The following ACTR3B variants were observed in gnomAD, a reference collection of about 807,000 sequenced individuals.
The protein encoded by ACTR3B is actin-related protein 3B.
ACTR3B carries 8 observed loss-of-function variants against 59.0 expected under a neutral mutation model. The observed-to-expected ratio is 0.14, with a 90% CI of 0.08 to 0.24. ACTR3B has a LOEUF of 0.24. Among genes scored for constraint, ACTR3B ranks in the 10% least tolerant of loss-of-function variants. ACTR3B has a pLI of 1.00. For missense variants in ACTR3B, 245 were observed against 552.3 expected, an observed-to-expected ratio of 0.44 and a Z score of 5.58; for synonymous variants, 148 against 197.9, an observed-to-expected ratio of 0.75 and a Z score of 2.12.
chr7:152,762,408 A>T (rs1467634552), intron 1 of ACTR3B, among the ~76,000 whole-genome samples: 1 of 152,194 alleles, frequency 6.6e-6, no homozygotes, highest in Non-Finnish European at 1.5e-5. Context: ...AGAACAAAAA[A>T]CTACTGTATA....
chr7:152,850,682 C>G (rs1347998732), intron 9 of ACTR3B, among the ~76,000 whole-genome samples: 2 of 152,212 alleles, frequency 1.3e-5, no homozygotes, highest in African/African-American at 4.8e-5. Flanking sequence ...GGCTGTCTTT[C>G]CCCAGAACAG....
chr7:152,791,324 G>A (rs2098195491), intron 2 of ACTR3B, among the ~76,000 whole-genome samples: 2 of 152,040 alleles, frequency 1.3e-5, no homozygotes, highest in Non-Finnish European at 2.9e-5. Context: ...TTATTACTAA[G>A]TTTAATCTTT....
At chr7:152,792,107 GTCTCAAACT>G (rs1408936738) in intron 2 of ACTR3B, among the ~76,000 whole-genome samples, 1 of 152,154 alleles carries the variant, frequency 6.6e-6, no homozygotes, top group East Asian at 1.9e-4. Flanking sequence ...GGCCAGGCTG[GTCTCAAACT>G]CCTCAAGTGA....
In ACTR3B at chr7:152,854,844, G is replaced by T. The variant is rs1344839460; in HGVS notation, c.*291G>T. 9.8e-6 allele frequency: 3 copies of T among 307,128 alleles called. No homozygotes were observed. Among genetic ancestry groups the T allele is most frequent in the African/African-American group, 2.1e-5 (1 of 46,736 alleles). The allele number at this position is 307,128 out of a possible 1,614,324, so 19.0% of individuals were successfully genotyped here. On this transcript the variant is annotated 3_prime_UTR_variant, in exon 12 of 12. Transcript: ENST00000256001. This position sits in a 1 kb window ranked among gnomAD's most constrained non-coding sequence, Gnocchi z 4.9. ...AATACAATTCTGAAGGAATCCAAAT[G>T]TGACTTTGAAAATTGTTAGAGAAAA...
intron 9 of ACTR3B, among the ~76,000 whole-genome samples, chr7:152,842,563 G>A (rs1797950184): frequency 1.9e-5 from 2 of 105,488 alleles, no homozygotes; most frequent in African/African-American, 2.6e-5. Context: ...GGAGTGCTCC[G>A]CGTGTTCTCT....
intron 9 of ACTR3B, among the ~76,000 whole-genome samples, chr7:152,836,281 G>T (rs535197970): frequency 7.0e-4 from 106 of 152,242 alleles, no homozygotes; most frequent in Non-Finnish European, 1.0e-3. Context: ...AACAAACCTT[G>T]AGTTCAGAAT....
intron 9 of ACTR3B, among the ~76,000 whole-genome samples, chr7:152,842,397 C>G (rs1317261897): frequency 6.6e-6 from 1 of 152,152 alleles, no homozygotes; most frequent in African/African-American, 2.4e-5. Flanking sequence ...TGGGACAGCT[C>G]GAGATTTCAT....
chr7:152,794,875 T>C (rs552306939), intron 2 of ACTR3B, among the ~76,000 whole-genome samples: 2 of 152,342 alleles, frequency 1.3e-5, no homozygotes, highest in South Asian at 2.1e-4. Flanking sequence ...TGTCCTTTAC[T>C]TGTTTATAAT....
chr7:152,790,302 G>A (rs2116669606), intron 2 of ACTR3B, among the ~76,000 whole-genome samples: 1 of 152,298 alleles, frequency 6.6e-6, no homozygotes. Context: ...CTTAATAGGA[G>A]GAGTTACTTT....
In ACTR3B at chr7:152,796,186, G is replaced by C. The variant is rs1590281637; in HGVS notation, c.101-4345G>C. On this transcript the variant is annotated intron_variant, in intron 2 of 11. Transcript: ENST00000256001. ...AGGATTTGATATAATTTATTTACCT[G>C]ATCTCTGATTTCAGGTCAGTTAACT... Among the ~76,000 whole-genome samples, 3 of 152,150 alleles carry C rather than the reference G, an allele frequency of 2.0e-5. No homozygotes were observed. In the East Asian group the frequency reaches 5.8e-4, roughly 29 times the overall value.
At position 152,854,034 on chromosome 7, in the gene ACTR3B, A is replaced by G. The variant is rs991258021; in HGVS notation, c.1162-424A>G. Among the ~76,000 whole-genome samples, 1 of 152,106 alleles carries G rather than the reference A, an allele frequency of 6.6e-6. No homozygotes were observed. The highest frequency in any genetic ancestry group is 1.5e-5 in the Non-Finnish European group (1 of 68,018). On this transcript the variant is annotated intron_variant, in intron 11 of 11. Transcript: ENST00000256001. This position sits in a 1 kb window ranked among gnomAD's most constrained non-coding sequence, Gnocchi z 4.9. ...TGAGCCTCTGTGCCCGGCCCGATAT[A>G]AACTATATCTTAATAATCACACAAC... is the stretch of plus-strand genomic sequence containing the variant.
intron 1 of ACTR3B, among the ~76,000 whole-genome samples, chr7:152,761,698 G>A (rs114629467): frequency 0.015 from 2,250 of 152,288 alleles, 56 homozygotes; most frequent in African/African-American, 0.051. Context: ...CCCATATCGA[G>A]TGTATGGCCA....
intron 2 of ACTR3B, among the ~76,000 whole-genome samples, chr7:152,784,938 T>C (rs2098166669): frequency 6.6e-6 from 1 of 152,126 alleles, no homozygotes; most frequent in Admixed American, 6.5e-5. Context: ...TGTGGGGACA[T>C]GGTTCAGTCC....
chr7:152,787,123 G>GGCT (rs2098177335), intron 2 of ACTR3B, among the ~76,000 whole-genome samples: 2 of 152,122 alleles, frequency 1.3e-5, no homozygotes, highest in Non-Finnish European at 2.9e-5. Flanking sequence ...TCCTCCAGGA[G>GGCT]GCTGTTCTGA....
intron 1 of ACTR3B, among the ~76,000 whole-genome samples, chr7:152,774,618 C>T (rs537590256): frequency 6.6e-6 from 1 of 151,774 alleles, no homozygotes; most frequent in Admixed American, 6.6e-5. Context: ...GTTCAGAATC[C>T]ACAAAAGGGC....
At chr7:152,796,585 A>T (rs1397582033) in intron 2 of ACTR3B, among the ~76,000 whole-genome samples, 1 of 142,420 alleles carries the variant, frequency 7.0e-6, no homozygotes, top group African/African-American at 2.5e-5. Context: ...CAAGTCAGCT[A>T]ACTAGTAAGT....
intron 2 of ACTR3B, among the ~76,000 whole-genome samples, chr7:152,792,594 A>G (rs2098200395): frequency 6.6e-6 from 1 of 152,016 alleles, no homozygotes. Flanking sequence ...TAAAAATACA[A>G]AAATTAGCTG....
At chr7:152,785,337 G>A (rs1264353999) in intron 2 of ACTR3B, among the ~76,000 whole-genome samples, 1 of 121,646 alleles carries the variant, frequency 8.2e-6, no homozygotes, top group Non-Finnish European at 1.7e-5. Context: ...AAAGAGGTGG[G>A]AGTAAAAGAA....
chr7:152,798,640 T>C (rs1590290292), intron 2 of ACTR3B, among the ~76,000 whole-genome samples: 1 of 152,250 alleles, frequency 6.6e-6, no homozygotes, highest in African/African-American at 2.4e-5. Context: ...TTTCTTCTAA[T>C]AGTTTCACAG....
Sources: gnomAD v4.1 joint callset for allele counts (sites outside exome capture counted in the v4.1 genomes callset) on GRCh38, gnomAD v4.1.1 for gene constraint, Gnocchi (gnomAD v3.1) non-coding constraint, MANE v1.5 for transcripts, NCBI Gene and HGNC (gene_info 2026-07-23, HGNC 2026-07-21) for gene names.